Variants in ASZ1 observed in about 807,000 individuals in gnomAD.
ASZ1 encodes ankyrin repeat, SAM and basic leucine zipper domain-containing protein 1.
A neutral mutation model predicts 61.8 loss-of-function variants in ASZ1; 67 were observed. The ratio of observed to expected loss-of-function variants is 1.08; its 90% CI spans 0.89 to 1.33. ASZ1 has a LOEUF of 1.33. Ranked by LOEUF, ASZ1 falls within the 40% of genes most tolerant of loss-of-function variation. ASZ1 has a pLI of 0.00. For synonymous variants in ASZ1, 193 were observed against 192.7 expected (o/e 1.00, Z -0.01); for missense variants, 577 against 554.5 (o/e 1.04, Z -0.41).
At chr7:117,422,977 G>T (rs1213493445) in intron 2 of ASZ1, among the ~76,000 whole-genome samples, 2 of 152,150 alleles carry the variant, frequency 1.3e-5, no homozygotes, top group African/African-American at 4.8e-5. Context: ...AAGGAAACTA[G>T]TTATAACACA....
chr7:117,382,135 T>C lies in ASZ1; in HGVS notation c.822A>G (p.Thr274=). Residue 274 remains threonine, a synonymous_variant, in exon 8 of 13, where the codon ACA becomes ACG. Transcript: ENST00000284629. The part of the protein sequence containing the change: ...REKDHIFSSY[T]AFGDLEVFLH... Reference sequence around the variant, plus strand: ...AAAATACTTCCAGATCTCCAAATGCTGTATATGAACTGTATACATTTATAG... The same window carrying C: ...AAAATACTTCCAGATCTCCAAATGCCGTATATGAACTGTATACATTTATAG... 3.8e-6 allele frequency: 6 copies of C among 1,590,574 alleles called. No homozygotes were observed. Among genetic ancestry groups the C allele is most frequent in the Non-Finnish European group, 5.2e-6 (6 of 1,159,158 alleles).
chr7:117,407,200 T>C (rs563811364), intron 4 of ASZ1, among the ~76,000 whole-genome samples: 2 of 152,134 alleles, frequency 1.3e-5, no homozygotes, highest in East Asian at 3.9e-4. Context: ...AGCAAAAATA[T>C]GGAAAAACAC....
At chr7:117,376,120 G>T (rs529447333) in intron 10 of ASZ1, among the ~76,000 whole-genome samples, 1 of 152,120 alleles carries the variant, frequency 6.6e-6, no homozygotes, top group South Asian at 2.1e-4. Context: ...AGAATGAAAT[G>T]GGGTATTATA....
Position 117,427,424 on chromosome 7 carries a change from CA to C in ASZ1, c.36del (p.Gly13AlafsTer25), listed in dbSNP as rs776368472. The C allele has an allele frequency of 6.2e-7, 1 of 1,614,108 alleles. No individual in the cohort carries two copies. The highest frequency in any genetic ancestry group is 1.7e-5 in the Admixed American group (1 of 60,038). On this transcript the variant is annotated frameshift_variant, in exon 1 of 13. Coordinates refer to ENST00000284629, the MANE Select transcript of ASZ1 (RefSeq NM_130768.3). LOFTEE classifies it high-confidence loss of function. ...TCGCTCTCGCTACTCTCGCCTCCGC[CA>C]GCCACTGGCAGGCCTCGCAGCGCGC... is the stretch of plus-strand genomic sequence containing the variant. ...AASALRGLPV[A>X]GGGESSESED...
intron 4 of ASZ1, among the ~76,000 whole-genome samples, chr7:117,389,929 T>C (rs1464715084): frequency 6.6e-6 from 1 of 152,224 alleles, no homozygotes; most frequent in Non-Finnish European, 1.5e-5. Context: ...TTTATATGCA[T>C]GTGTACCCAA....
intron 4 of ASZ1, among the ~76,000 whole-genome samples, chr7:117,402,012 T>A (rs1796690991): frequency 6.6e-6 from 1 of 152,156 alleles, no homozygotes; most frequent in Admixed American, 6.5e-5. Context: ...GGGCCAGGTA[T>A]GTGGAGGAGC....
At chr7:117,385,333 C>A (rs1796332835) in intron 5 of ASZ1, among the ~76,000 whole-genome samples, 1 of 151,920 alleles carries the variant, frequency 6.6e-6, no homozygotes, top group Non-Finnish European at 1.5e-5. Context: ...GATCTTGGCT[C>A]ACTACAACCT....
At chr7:117,365,482 C>T (rs568220955) in intron 12 of ASZ1, among the ~76,000 whole-genome samples, 2 of 152,308 alleles carry the variant, frequency 1.3e-5, no homozygotes, top group South Asian at 4.1e-4. Flanking sequence ...ATTCTATACA[C>T]ACACCCTTAC....
intron 4 of ASZ1, among the ~76,000 whole-genome samples, chr7:117,386,269 C>T (rs2116475923): frequency 6.6e-6 from 1 of 152,230 alleles, no homozygotes; most frequent in African/African-American, 2.4e-5. Context: ...AACTTCATTC[C>T]TTAATGTATT....
chr7:117,372,279 C>CATT (rs1255758980), intron 10 of ASZ1, among the ~76,000 whole-genome samples: 1 of 152,208 alleles, frequency 6.6e-6, no homozygotes, highest in Non-Finnish European at 1.5e-5. Context: ...GACTATAATT[C>CATT]ATGCCCCAGT....
At chr7:117,369,450 T>G (rs187406401) in intron 10 of ASZ1, among the ~76,000 whole-genome samples, 1 of 152,152 alleles carries the variant, frequency 6.6e-6, no homozygotes, top group Non-Finnish European at 1.5e-5. Flanking sequence ...AACAGGAAAT[T>G]TGAAAATTAG....
intron 12 of ASZ1, among the ~76,000 whole-genome samples, chr7:117,366,557 A>G (rs558465413): frequency 1.3e-4 from 19 of 151,916 alleles, no homozygotes; most frequent in Admixed American, 5.2e-4. Flanking sequence ...TTTATTATCC[A>G]TCTCCAACAA....
At chr7:117,379,031 G>C (rs1025421884) in intron 10 of ASZ1, among the ~76,000 whole-genome samples, 1 of 150,858 alleles carries the variant, frequency 6.6e-6, no homozygotes, top group Non-Finnish European at 1.5e-5. Flanking sequence ...GGTTGGGATG[G>C]GGAGAAGGTT....
intron 4 of ASZ1, among the ~76,000 whole-genome samples, chr7:117,388,964 AT>A (rs1796412642): frequency 6.6e-6 from 1 of 152,234 alleles, no homozygotes; most frequent in Non-Finnish European, 1.5e-5. Context: ...TAAAAAATCA[AT>A]TGTATTTCTT....
intron 4 of ASZ1, among the ~76,000 whole-genome samples, chr7:117,400,541 G>T (rs1299242105): frequency 6.6e-6 from 1 of 152,154 alleles, no homozygotes; most frequent in East Asian, 1.9e-4. Context: ...TGGTGATGGG[G>T]AACTCCAACA....
chr7:117,379,906 AT>A (rs1207404302), intron 10 of ASZ1, 31 bp downstream of exon 10: 4 of 1,366,336 alleles, frequency 2.9e-6, no homozygotes, highest in Non-Finnish European at 4.1e-6. Flanking sequence ...TCTTAACACT[AT>A]TAATAATATA....
At chr7:117,422,146 G>A in intron 3 of ASZ1, 91 bp downstream of exon 3, 2 of 1,391,126 alleles carry the variant, frequency 1.4e-6, no homozygotes, top group South Asian at 1.4e-5. Flanking sequence ...TACTTCAAAT[G>A]GCTTTAGTTT....
chr7:117,375,700 C>A (rs948220930), intron 10 of ASZ1, among the ~76,000 whole-genome samples: 1 of 151,980 alleles, frequency 6.6e-6, no homozygotes, highest in African/African-American at 2.4e-5. Flanking sequence ...GGACATTAAA[C>A]ACCATACACC....
intron 4 of ASZ1, among the ~76,000 whole-genome samples, chr7:117,409,487 A>G (rs1796853240): frequency 3.3e-5 from 5 of 152,026 alleles, no homozygotes; most frequent in African/African-American, 1.2e-4. Context: ...TATTTTAGCC[A>G]GCCAAAAAGG....
Sources: gnomAD v4.1 joint callset for allele counts (sites outside exome capture counted in the v4.1 genomes callset) on GRCh38, gnomAD v4.1.1 for gene constraint, MANE v1.5 for transcripts, NCBI Gene and HGNC (gene_info 2026-07-23, HGNC 2026-07-21) for gene names.